Variants in PARD3B observed in about 807,000 individuals in gnomAD.
PARD3B encodes the protein par-3 family cell polarity regulator beta, also known as partitioning defective 3 homolog B.
Under a neutral mutation model 130.2 loss-of-function variants are expected in PARD3B, and 103 were observed. The ratio of observed to expected loss-of-function variants is 0.79; its 90% CI spans 0.67 to 0.93. PARD3B has a LOEUF of 0.93. Ranked by LOEUF, PARD3B falls within the 40% of genes least tolerant of loss-of-function variation. The pLI is 0.00. For synonymous variants in PARD3B, 583 were observed against 553.2 expected (o/e 1.05, Z -0.76); for missense variants, 1,609 against 1,499.2 (o/e 1.07, Z -1.21).
chr2:204,685,181 T>G (rs2125241556), intron 1 of PARD3B, among the ~76,000 whole-genome samples: 1 of 152,318 alleles, frequency 6.6e-6, no homozygotes, highest in South Asian at 2.1e-4. Context: ...CTTAGAGCTG[T>G]ATCCTAGAAG....
intron 4 of PARD3B, among the ~76,000 whole-genome samples, chr2:205,097,061 G>C (rs183069883): frequency 6.6e-6 from 1 of 152,126 alleles, no homozygotes; most frequent in Admixed American, 6.6e-5. Flanking sequence ...TTGACCTTCA[G>C]TTTCTTCTTC....
intron 2 of PARD3B, among the ~76,000 whole-genome samples, chr2:204,793,834 C>A (rs2125482365): frequency 6.6e-6 from 1 of 152,156 alleles, no homozygotes; most frequent in African/African-American, 2.4e-5. Context: ...GTATAAATGC[C>A]CTCTTATTTC....
At chr2:204,656,133 A>C (rs149999566) in intron 1 of PARD3B, among the ~76,000 whole-genome samples, 71 of 152,274 alleles carry the variant, frequency 4.7e-4, no homozygotes, top group African/African-American at 1.6e-3. Flanking sequence ...GGCCACTGCA[A>C]ATCACAAAGC....
chr2:205,442,712 A>G (rs539981519), intron 20 of PARD3B, among the ~76,000 whole-genome samples: 1 of 152,232 alleles, frequency 6.6e-6, no homozygotes, highest in South Asian at 2.1e-4. Context: ...AATTTTTGTC[A>G]CCTAAAGCAT....
At chr2:204,951,012 C>A (rs548043655) in intron 2 of PARD3B, among the ~76,000 whole-genome samples, 1 of 152,246 alleles carries the variant, frequency 6.6e-6, no homozygotes, top group Admixed American at 6.5e-5. Context: ...GCCAGCCTAT[C>A]TTCTCCTTGC....
intron 2 of PARD3B, among the ~76,000 whole-genome samples, chr2:204,688,207 A>G (rs185345969): frequency 8.5e-5 from 13 of 152,268 alleles, no homozygotes; most frequent in Admixed American, 6.5e-4. Flanking sequence ...ATGATGCCTA[A>G]TTGGTATTGT....
At chr2:205,032,525 C>G (rs1165760826) in intron 3 of PARD3B, among the ~76,000 whole-genome samples, 1 of 152,112 alleles carries the variant, frequency 6.6e-6, no homozygotes, top group Non-Finnish European at 1.5e-5. Flanking sequence ...GGGAAAGTCT[C>G]TATACAGGAA....
Position 205,238,890 on chromosome 2 carries a change from A to G in PARD3B, c.2141-6888A>G, listed in dbSNP as rs1168528153. On this transcript the variant is annotated intron_variant, in intron 15 of 22. Coordinates refer to ENST00000406610, the MANE Select transcript of PARD3B (RefSeq NM_001302769.2). ...TATATATATATATGTATGTGTGTAT[A>G]TATATATATATATATATATGTATGT... 3.7e-3 allele frequency among the ~76,000 whole-genome samples: 380 copies of G among 102,706 alleles called. 8 individuals are homozygous for G. The highest frequency in any genetic ancestry group is 5.7e-3 in the South Asian group (20 of 3,502). The allele number at this position is 102,706 out of a possible 152,430, so 67.4% of individuals were successfully genotyped here. A position where few individuals can be genotyped will look rare whatever the true frequency, so the allele number is the denominator to read the frequency against.
chr2:205,092,659 A>G (rs2125543224), intron 4 of PARD3B, among the ~76,000 whole-genome samples: 1 of 152,248 alleles, frequency 6.6e-6, no homozygotes, highest in South Asian at 2.1e-4. Flanking sequence ...GGAGAGGAAT[A>G]TCGAGCAAGA....
intron 20 of PARD3B, among the ~76,000 whole-genome samples, chr2:205,481,823 T>A (rs924577904): frequency 6.6e-6 from 1 of 152,196 alleles, no homozygotes; most frequent in Non-Finnish European, 1.5e-5. Flanking sequence ...CTAATGCTGA[T>A]CATTATTCCC....
intron 13 of PARD3B, among the ~76,000 whole-genome samples, chr2:205,182,340 G>A (rs2035838146): frequency 6.7e-6 from 1 of 149,434 alleles, no homozygotes; most frequent in African/African-American, 2.5e-5. Flanking sequence ...CAACAAATAA[G>A]ATACTTACCT....
chr2:205,105,652 A>G lies in PARD3B; in HGVS notation c.593+1138A>G, dbSNP rs1703147985. Among the ~76,000 whole-genome samples the G allele has an allele frequency of 6.6e-6, 1 of 152,060 alleles. No homozygotes were observed. The highest frequency in any genetic ancestry group is 1.5e-5 in the Non-Finnish European group (1 of 67,992). On this transcript the variant is annotated intron_variant, in intron 5 of 22. Coordinates refer to ENST00000406610, the MANE Select transcript of PARD3B (RefSeq NM_001302769.2). The surrounding 1 kb of genome is among the most constrained non-coding windows in gnomAD (Gnocchi z 4.0). ...TGAGCTATACAGTATTAAAAATTTGATGGAAACTAGGCTAGGTGGTGCCTG... is the reference window on the plus strand; with the variant it reads ...TGAGCTATACAGTATTAAAAATTTGGTGGAAACTAGGCTAGGTGGTGCCTG...
At chr2:205,388,540 T>C (rs2045741523) in intron 18 of PARD3B, among the ~76,000 whole-genome samples, 1 of 152,220 alleles carries the variant, frequency 6.6e-6, no homozygotes, top group Non-Finnish European at 1.5e-5. Flanking sequence ...GTGTGTTGTT[T>C]GTAATAGCTC....
intron 22 of PARD3B, among the ~76,000 whole-genome samples, chr2:205,559,496 A>G (rs2053045608): frequency 6.6e-6 from 1 of 152,010 alleles, no homozygotes; most frequent in Non-Finnish European, 1.5e-5. Context: ...GAAATCCCCC[A>G]AAGCTTTTTT....
chr2:205,563,515 A>G lies in PARD3B; in HGVS notation c.3260+10112A>G, dbSNP rs2053211884. 6.6e-6 allele frequency among the ~76,000 whole-genome samples: 1 copy of G among 152,168 alleles called. No homozygotes were observed. Among genetic ancestry groups the G allele is most frequent in the African/African-American group, 2.4e-5 (1 of 41,442 alleles). On this transcript the variant is annotated intron_variant, in intron 22 of 22. Coordinates refer to ENST00000406610, the MANE Select transcript of PARD3B (RefSeq NM_001302769.2). This position sits in a 1 kb window ranked among gnomAD's most constrained non-coding sequence, Gnocchi z 4.2. ...AAGTCAAGGAGAGGTTGGAATGCTT[A>G]CATCATCTGTTTTCATAAGTAATGT...
chr2:205,601,268 T>C (rs2054775017), intron 22 of PARD3B, among the ~76,000 whole-genome samples: 1 of 152,250 alleles, frequency 6.6e-6, no homozygotes, highest in Non-Finnish European at 1.5e-5. Context: ...GTTGACCTTT[T>C]TTCTCATATG....
At chr2:204,744,222 A>G (rs1421594967) in intron 2 of PARD3B, among the ~76,000 whole-genome samples, 1 of 152,132 alleles carries the variant, frequency 6.6e-6, no homozygotes, top group Non-Finnish European at 1.5e-5. Flanking sequence ...GATTGGTCCA[A>G]CTTGGACCAT....
chr2:205,051,114 A>AGAGGAG (rs1699163577), intron 4 of PARD3B, among the ~76,000 whole-genome samples: 1 of 152,114 alleles, frequency 6.6e-6, no homozygotes. Context: ...GGTACCCTGC[A>AGAGGAG]GAGGAGGTTC....
chr2:205,408,963 G>C (rs559230128), intron 19 of PARD3B, among the ~76,000 whole-genome samples: 3 of 152,138 alleles, frequency 2.0e-5, no homozygotes, highest in Middle Eastern at 3.4e-3. Flanking sequence ...CCAATTTATG[G>C]CTCCCTTAAA....
Sources: gnomAD v4.1 joint callset for allele counts (sites outside exome capture counted in the v4.1 genomes callset) on GRCh38, gnomAD v4.1.1 for gene constraint, Gnocchi (gnomAD v3.1) non-coding constraint, MANE v1.5 for transcripts, NCBI Gene and HGNC (gene_info 2026-07-23, HGNC 2026-07-21) for gene names.